Variants in GLCCI1 observed in about 807,000 individuals in gnomAD.
The protein encoded by GLCCI1 is glucocorticoid induced 1.
Under a neutral mutation model 52.2 loss-of-function variants are expected in GLCCI1, and 24 were observed. The observed-to-expected ratio is 0.46, with a 90% confidence interval of 0.33 to 0.65. The LOEUF is 0.65. Among genes scored for constraint, GLCCI1 ranks in the 30% least tolerant of loss-of-function variants. The pLI is 0.02. For synonymous variants in GLCCI1, 310 were observed against 276.5 expected (o/e 1.12, Z -1.20); for missense variants, 704 against 701.5 (o/e 1.00, Z -0.04).
At chr7:8,061,736 G>A (rs990935794) in intron 5 of GLCCI1, among the ~76,000 whole-genome samples, 5 of 133,084 alleles carry the variant, frequency 3.8e-5, no homozygotes, top group Admixed American at 8.8e-5. Flanking sequence ...GCACCATCTC[G>A]GCTCACTGTA....
Position 7,969,621 on chromosome 7 carries a change from T to C in GLCCI1, c.271T>C (p.Ser91Pro). The change falls in exon 1 of 8, where the codon TCG becomes CCG. Residue 91 changes from serine (S) to proline (P), a missense_variant. Transcript: ENST00000223145. The surrounding 1 kb of genome is among the most constrained non-coding windows in gnomAD (Gnocchi z 4.9). ...TRPPVAAAAA[S>P]LGSLPGPGAA... Reference sequence around the variant, plus strand: ...TCCGCCCGTCGCCGCTGCCGCCGCCTCGCTGGGCAGCCTCCCGGGGCCCGG... The same window carrying C: ...TCCGCCCGTCGCCGCTGCCGCCGCCCCGCTGGGCAGCCTCCCGGGGCCCGG... 9.8e-7 allele frequency: 1 copy of C among 1,024,058 alleles called. No individual in the cohort carries two copies. 63.4% of individuals were successfully genotyped at this position (1,024,058 alleles called of 1,614,324 possible).
At chr7:8,058,750 A>G (rs971060906) in intron 4 of GLCCI1, among the ~76,000 whole-genome samples, 1 of 152,234 alleles carries the variant, frequency 6.6e-6, no homozygotes, top group Non-Finnish European at 1.5e-5. Context: ...CTCTTCAACA[A>G]CAATGGGGGT....
intron 1 of GLCCI1, among the ~76,000 whole-genome samples, chr7:7,990,293 A>G (rs1309803341): frequency 6.6e-6 from 1 of 152,154 alleles, no homozygotes; most frequent in Non-Finnish European, 1.5e-5. Flanking sequence ...AATTAAATAC[A>G]GTAAACACTA....
chr7:7,979,145 T>G (rs2115405601), intron 1 of GLCCI1, among the ~76,000 whole-genome samples: 1 of 152,274 alleles, frequency 6.6e-6, no homozygotes, highest in East Asian at 1.9e-4. Flanking sequence ...AAAGTGAGGA[T>G]TTAGACTGTG....
chr7:8,067,995 G>A (rs1272179492), intron 5 of GLCCI1, among the ~76,000 whole-genome samples: 1 of 152,076 alleles, frequency 6.6e-6, no homozygotes, highest in Non-Finnish European at 1.5e-5. Context: ...CCAGTGCATC[G>A]TGGATTTAGT....
At chr7:8,002,121 C>A (rs114155556) in intron 1 of GLCCI1, among the ~76,000 whole-genome samples, 4,377 of 151,936 alleles carry the variant, frequency 0.029, 217 homozygotes, top group African/African-American at 0.097. Flanking sequence ...AAAAAGGAAT[C>A]TATATGTGCT....
chr7:8,035,336 T>C (rs1294744870), intron 3 of GLCCI1, among the ~76,000 whole-genome samples: 2 of 152,194 alleles, frequency 1.3e-5, no homozygotes, highest in Admixed American at 6.5e-5. Context: ...AGCAGCCAGG[T>C]GGCCTCAGTG....
chr7:7,977,670 A>G (rs1240395273), intron 1 of GLCCI1, among the ~76,000 whole-genome samples: 1 of 152,190 alleles, frequency 6.6e-6, no homozygotes, highest in African/African-American at 2.4e-5. Flanking sequence ...TTGGTTGGGT[A>G]GGGAAAAGAT....
At position 7,969,829 on chromosome 7, in the gene GLCCI1, T is replaced by G; in HGVS notation, c.457+22T>G. ...AGAGGTAGCGAGCCCAACCCTCCCGTCCTCCCGGGCTGCGTCTCCCCGACG... is the reference window on the plus strand; with the variant it reads ...AGAGGTAGCGAGCCCAACCCTCCCGGCCTCCCGGGCTGCGTCTCCCCGACG... On this transcript the variant is annotated intron_variant, in intron 1 of 7. Coordinates refer to ENST00000223145, the MANE Select transcript of GLCCI1 (RefSeq NM_138426.4). This position sits in a 1 kb window ranked among gnomAD's most constrained non-coding sequence, Gnocchi z 4.9. The G allele has an allele frequency of 7.0e-7, 1 of 1,420,828 alleles. No homozygotes were observed. The highest frequency in any genetic ancestry group is 9.2e-7 in the Non-Finnish European group (1 of 1,084,892). The allele number at this position is 1,420,828 out of a possible 1,614,324, so 88.0% of individuals were successfully genotyped here. A position where few individuals can be genotyped will look rare whatever the true frequency, so the allele number is the denominator to read the frequency against.
chr7:8,003,335 G>A (rs1339500564), intron 1 of GLCCI1, among the ~76,000 whole-genome samples: 3 of 152,168 alleles, frequency 2.0e-5, no homozygotes, highest in African/African-American at 7.2e-5. Context: ...TCAGGAAGTA[G>A]AATGTACAGA....
intron 3 of GLCCI1, among the ~76,000 whole-genome samples, chr7:8,028,938 T>C (rs553767556): frequency 6.6e-6 from 1 of 152,132 alleles, no homozygotes; most frequent in Admixed American, 6.5e-5. Context: ...CAATAACAAG[T>C]AGAGATTGAA....
intron 1 of GLCCI1, 103 bp from the exon 2 acceptor site, chr7:8,003,805 A>C (rs1289378281): frequency 1.5e-5 from 15 of 990,392 alleles, no homozygotes; most frequent in African/African-American, 3.3e-5. Flanking sequence ...TATATATATC[A>C]CAGGAAAAAT....
intron 3 of GLCCI1, among the ~76,000 whole-genome samples, chr7:8,033,484 A>G (rs1781801491): frequency 6.6e-6 from 1 of 152,146 alleles, no homozygotes; most frequent in Admixed American, 6.5e-5. Flanking sequence ...CCGAAGACAT[A>G]ATCCTATATG....
chr7:7,977,783 A>G (rs959630660), intron 1 of GLCCI1, among the ~76,000 whole-genome samples: 4 of 152,234 alleles, frequency 2.6e-5, no homozygotes, highest in African/African-American at 7.2e-5. Flanking sequence ...AGAATCCAAT[A>G]TAAGGTACTT....
In GLCCI1 at chr7:7,994,640, A is replaced by C. The variant is rs555077638; in HGVS notation, c.458-9268A>C. Among the ~76,000 whole-genome samples, 10 of 152,318 alleles carry C rather than the reference A, an allele frequency of 6.6e-5. No homozygotes were observed. The South Asian group carries it at 2.1e-3, about 32-fold the overall frequency. ...CCTCTTATTGGTCCCAACTCTTAAT[A>C]CCATCAGAGTGGCAATTAAATTCCA... On this transcript the variant is annotated intron_variant, in intron 1 of 7. Coordinates refer to ENST00000223145, the MANE Select transcript of GLCCI1 (RefSeq NM_138426.4).
intron 2 of GLCCI1, among the ~76,000 whole-genome samples, chr7:8,005,084 T>C (rs1375437702): frequency 6.6e-6 from 1 of 152,216 alleles, no homozygotes; most frequent in African/African-American, 2.4e-5. Flanking sequence ...AGGAAGAGGA[T>C]AAGTTTAATA....
intron 1 of GLCCI1, chr7:7,980,344 A>G (rs78203026): frequency 0.016 from 2,960 of 181,588 alleles, 87 homozygotes; most frequent in African/African-American, 0.066. Flanking sequence ...TACTGTGGGC[A>G]ATGTGGTTGT....
intron 1 of GLCCI1, chr7:7,980,729 C>A: frequency 1.4e-6 from 1 of 710,792 alleles, no homozygotes; most frequent in Non-Finnish European, 2.5e-6. Context: ...CTTATCACTA[C>A]AGGAGAAAAT....
At chr7:7,983,298 ATTTGT>A (rs1297885684) in intron 1 of GLCCI1, among the ~76,000 whole-genome samples, 17 of 152,158 alleles carry the variant, frequency 1.1e-4, no homozygotes, top group African/African-American at 4.1e-4. Context: ...TATAATTAAT[ATTTGT>A]TTTGTTCATT....
Sources: gnomAD v4.1 joint callset for allele counts (sites outside exome capture counted in the v4.1 genomes callset) on GRCh38, gnomAD v4.1.1 for gene constraint, Gnocchi (gnomAD v3.1) non-coding constraint, MANE v1.5 for transcripts, NCBI Gene and HGNC (gene_info 2026-07-23, HGNC 2026-07-21) for gene names.